PDE12: variants seen among roughly 807,000 people sequenced by gnomAD.
The protein encoded by PDE12 is 2',5'-phosphodiesterase 12.
PDE12 carries 26 observed loss-of-function variants against 45.4 expected under a neutral mutation model. The ratio of observed to expected loss-of-function variants is 0.57; its 90% CI spans 0.42 to 0.79. PDE12 has a LOEUF of 0.79. Ranked by LOEUF, PDE12 falls within the 30% of genes least tolerant of loss-of-function variation. PDE12 has a pLI of 0.00. For missense variants in PDE12, 668 were observed against 790.0 expected (o/e 0.85, Z 1.85); for synonymous variants, 283 against 323.9 (o/e 0.87, Z 1.36).
the PDE12 span, among the ~76,000 whole-genome samples, chr3:57,639,365 C>T: frequency 6.6e-6 from 1 of 152,144 alleles, no homozygotes; most frequent in South Asian, 2.1e-4. Context: ...ATTTCTTAAA[C>T]AGATTTATCA....
chr3:57,654,610 A>G, the PDE12 span: 2 of 980,514 alleles, frequency 2.0e-6, no homozygotes, highest in East Asian at 2.3e-4. Flanking sequence ...GAAAATGTCT[A>G]TTTCTTTCAA....
At chr3:57,571,639 T>C (rs188661501), downstream of PDE12, 3 of 152,988 alleles carry the variant, frequency 2.0e-5, no homozygotes, top group Non-Finnish European at 4.4e-5. Flanking sequence ...ACTAATTGGC[T>C]ATCAAATCCA....
chr3:57,650,314 A>T, the PDE12 span, among the ~76,000 whole-genome samples: 2 of 152,062 alleles, frequency 1.3e-5, no homozygotes, highest in Non-Finnish European at 2.9e-5. Context: ...CTAAAAAAAA[A>T]AAAGTTGCAG....
chr3:57,655,145 T>C, the PDE12 span, among the ~76,000 whole-genome samples: 1 of 152,110 alleles, frequency 6.6e-6, no homozygotes, highest in South Asian at 2.1e-4. Flanking sequence ...GCAATTCTCC[T>C]GCCTCAGCCT....
the PDE12 span, among the ~76,000 whole-genome samples, chr3:57,610,836 A>C: frequency 6.6e-6 from 1 of 152,176 alleles, no homozygotes; most frequent in Admixed American, 6.6e-5. Flanking sequence ...ATTCAATGCC[A>C]TCCCCATCAA....
At chr3:57,620,751 C>A in the PDE12 span, among the ~76,000 whole-genome samples, 1 of 151,904 alleles carries the variant, frequency 6.6e-6, no homozygotes, top group African/African-American at 2.4e-5. Flanking sequence ...AAATATGATA[C>A]GCTTAGAGAT....
the PDE12 span, among the ~76,000 whole-genome samples, chr3:57,644,723 G>GAC: frequency 4.2e-5 from 1 of 23,898 alleles, no homozygotes; most frequent in African/African-American, 1.7e-4. Context: ...GAGGAGGGGA[G>GAC]AGGAGGGGAA....
At chr3:57,628,278 T>C in the PDE12 span, 1 of 1,614,066 alleles carries the variant, frequency 6.2e-7, no homozygotes, top group Non-Finnish European at 8.5e-7. Context: ...GATAATGGCA[T>C]CTATGTGTGT....
the PDE12 span, among the ~76,000 whole-genome samples, chr3:57,616,740 C>G: frequency 3.3e-5 from 5 of 152,098 alleles, no homozygotes; most frequent in Admixed American, 3.3e-4. Flanking sequence ...AAATGACAAA[C>G]CAGCTGGGTG....
chr3:57,588,029 A>C, the PDE12 span, among the ~76,000 whole-genome samples: 2 of 152,344 alleles, frequency 1.3e-5, no homozygotes, highest in East Asian at 3.9e-4. Context: ...GAGCCACTTC[A>C]GTCATTTCTT....
In PDE12 at chr3:57,557,031, C is replaced by G. The variant is rs967107841; in HGVS notation, c.652C>G (p.Pro218Ala). 7 of 1,614,002 alleles carry G rather than the reference C, an allele frequency of 4.3e-6. No individual in the cohort carries two copies. The highest frequency in any genetic ancestry group is 1.7e-5 in the Admixed American group (1 of 59,998). The change falls in exon 1 of 3, where the codon CCC becomes GCC. Residue 218 changes from proline to alanine, a missense_variant. Pro to Ala is a conservative substitution (Grantham distance 27). This residue lies in a region of PDE12 where 580 missense variants were observed against 662.9 expected (regional missense o/e 0.87). Transcript: ENST00000311180. ...GGTCGGTGTCCCCTCGTCATTGTCT[C>G]CCTCCTCACCTTCTTCTTCTTGGAC... Reference protein sequence around the residue: ...PEVGVPSSLSPSSPSSSWTET... With the variant: ...PEVGVPSSLSASSPSSSWTET...
At chr3:57,572,418 C>G in the PDE12 span, 1 of 718,240 alleles carries the variant, frequency 1.4e-6, no homozygotes, top group African/African-American at 1.8e-5. Context: ...CAAAACTCTC[C>G]CATATTTAAA....
the PDE12 span, among the ~76,000 whole-genome samples, chr3:57,595,512 G>A: frequency 5.3e-5 from 8 of 152,134 alleles, no homozygotes; most frequent in Admixed American, 3.9e-4. Context: ...CTTTATGAAT[G>A]ACTCATAAAC....
the PDE12 span, chr3:57,645,877 A>G: frequency 1.5e-6 from 1 of 676,750 alleles, no homozygotes; most frequent in African/African-American, 1.8e-5. Context: ...ATTTTAATAA[A>G]TGGTAAACTC....
intron 2 of PDE12, 34 bp downstream of exon 2, chr3:57,559,422 C>T: frequency 1.3e-6 from 2 of 1,567,400 alleles, no homozygotes; most frequent in Non-Finnish European, 1.7e-6. Flanking sequence ...GTGACTTAAA[C>T]ACGCTTAAAG....
chr3:57,641,158 A>AAT, the PDE12 span, among the ~76,000 whole-genome samples: 1 of 145,914 alleles, frequency 6.9e-6, no homozygotes, highest in Non-Finnish European at 1.5e-5. Context: ...TGGGCTTTTA[A>AAT]ATATATATAT....
In PDE12 at chr3:57,560,145, G is replaced by A. The variant is rs375200919; in HGVS notation, c.*141G>A. 3 of 1,418,780 alleles carry A rather than the reference G, an allele frequency of 2.1e-6. No homozygotes were observed. The highest frequency in any genetic ancestry group is 3.2e-5 in the South Asian group (2 of 62,320). The allele number at this position is 1,418,780 out of a possible 1,614,324, so 87.9% of individuals were successfully genotyped here. ...TCCTAGTTATGTTCCTGATGTCTTC[G>A]TTATGAAACTGTTGATGTTTGCATC... On this transcript the variant is annotated 3_prime_UTR_variant, in exon 3 of 3. Coordinates refer to ENST00000311180, the MANE Select transcript of PDE12 (RefSeq NM_177966.7).
the PDE12 span, among the ~76,000 whole-genome samples, chr3:57,617,299 C>G: frequency 0.83 from 125,717 of 151,684 alleles, 52,358 homozygotes; most frequent in East Asian, 1. Flanking sequence ...CAGTTACTTA[C>G]AGGCTGAGGC....
the PDE12 span, chr3:57,572,072 A>T: frequency 3.1e-6 from 2 of 644,794 alleles, no homozygotes; most frequent in East Asian, 2.6e-5. Context: ...GGTAAACAAT[A>T]ATTGGCAACA....
Sources: gnomAD v4.1 joint callset for allele counts (sites outside exome capture counted in the v4.1 genomes callset) on GRCh38, gnomAD v4.1.1 for gene constraint, gnomAD v4.1.1 regional missense constraint, MANE v1.5 for transcripts, NCBI Gene and HGNC (gene_info 2026-07-23, HGNC 2026-07-21) for gene names.